LRRC37A3: variants seen among roughly 807,000 people sequenced by gnomAD.
LRRC37A3 encodes the protein leucine rich repeat containing 37 member A3.
LRRC37A3 carries 25 observed loss-of-function variants against 106.2 expected under a neutral mutation model. The observed-to-expected ratio is 0.24, with a 90% confidence interval of 0.17 to 0.33. The LOEUF is 0.33. Ranked by LOEUF, LRRC37A3 falls within the 10% of genes least tolerant of loss-of-function variation. The pLI, the probability that LRRC37A3 is intolerant of heterozygous loss-of-function variation, is 1.00. For missense variants in LRRC37A3, 712 were observed against 1,644.9 expected (o/e 0.43, Z 9.81); for synonymous variants, 305 against 635.8 (o/e 0.48, Z 7.83).
chr17:64,874,439 C>T (rs1186859609), intron 8 of LRRC37A3, among the ~76,000 whole-genome samples: 1 of 151,164 alleles, frequency 6.6e-6, no homozygotes, highest in African/African-American at 2.4e-5. Flanking sequence ...AGTGAGGAGC[C>T]CCTCCGCCCG....
At chr17:64,911,616 CCTTT>C (rs1467750548) in intron 2 of LRRC37A3, among the ~76,000 whole-genome samples, 18 of 152,216 alleles carry the variant, frequency 1.2e-4, no homozygotes, top group South Asian at 8.3e-4. Flanking sequence ...TTTTACAACT[CCTTT>C]CTATTTCCTA....
Position 64,856,380 on chromosome 17 carries a change from CTATT to C in LRRC37A3, c.4810-495_4810-492del, listed in dbSNP as rs1567760162. Among the ~76,000 whole-genome samples the C allele has an allele frequency of 2.7e-5, 4 of 149,426 alleles. No individual in the cohort carries two copies. The South Asian group carries it at 8.3e-4, about 31-fold the overall frequency. ...TACAGGTGCATACTACCACACCTGG[CTATT>C]TTTTTTTTAATTTTTAATAAAGACA... On this transcript the variant is annotated intron_variant, in intron 13 of 14. Transcript: ENST00000584306.
chr17:64,874,374 C>T (rs551829791), intron 8 of LRRC37A3, among the ~76,000 whole-genome samples: 2 of 150,396 alleles, frequency 1.3e-5, no homozygotes, highest in African/African-American at 2.4e-5. Context: ...CGCCCGGCAG[C>T]CGCCCCGTCT....
Position 64,860,213 on chromosome 17 carries a change from G to T in LRRC37A3, c.3933C>A (p.Arg1311=). The T allele has an allele frequency of 6.2e-7, 1 of 1,614,004 alleles. No individual in the cohort carries two copies. The highest frequency in any genetic ancestry group is 1.1e-5 in the South Asian group (1 of 91,078). Residue 1311 remains arginine, a synonymous_variant, in exon 12 of 15, where the codon CGC becomes CGA. Transcript: ENST00000584306. ...SRKKYRFHKT[R]SRMTHRTPKV... ...TGGGTGTTCTGTGGGTCATGCGGGA[G>T]CGAGTTTTGTGAAAGCGGTATTTTT...
chr17:64,867,842 G>A (rs1025669738), intron 10 of LRRC37A3, among the ~76,000 whole-genome samples: 6 of 152,016 alleles, frequency 3.9e-5, no homozygotes, highest in East Asian at 1.9e-4. Flanking sequence ...GGGAGGCTGA[G>A]GCAGGCGGAT....
chr17:64,887,575 C>T lies in LRRC37A3; in HGVS notation c.2754-689G>A, dbSNP rs1371708518. On this transcript the variant is annotated intron_variant, in intron 6 of 14. Coordinates refer to ENST00000584306, the MANE Select transcript of LRRC37A3 (RefSeq NM_199340.5). The stretch of plus-strand genomic sequence containing the variant: ...CTTAGTTTAGGTCTGTTTTCCTAAG[C>T]CACTTCAATATCAGAAGAAATAAAA... Among the ~76,000 whole-genome samples the T allele has an allele frequency of 6.0e-5, 3 of 49,782 alleles. 1 individual carries two copies. The highest frequency in any genetic ancestry group is 1.2e-4 in the Non-Finnish European group (3 of 25,842). The allele number at this position is 49,782 out of a possible 152,430, so 32.7% of individuals were successfully genotyped here.
At chr17:64,904,155 C>G (rs2143600536) in intron 2 of LRRC37A3, among the ~76,000 whole-genome samples, 2 of 151,484 alleles carry the variant, frequency 1.3e-5, no homozygotes, top group Admixed American at 1.3e-4. Context: ...AAAAAAAAGA[C>G]AATGTTTACA....
intron 13 of LRRC37A3, among the ~76,000 whole-genome samples, chr17:64,858,213 C>T (rs1972745454): frequency 6.6e-6 from 1 of 152,192 alleles, no homozygotes; most frequent in Non-Finnish European, 1.5e-5. Context: ...TTCCCCCTCA[C>T]CAGTGAACTT....
At chr17:64,870,703 T>C (rs1188627234) in intron 8 of LRRC37A3, among the ~76,000 whole-genome samples, 1 of 152,208 alleles carries the variant, frequency 6.6e-6, no homozygotes, top group East Asian at 1.9e-4. Context: ...ACTCATGTGT[T>C]TAATCTGTAT....
At chr17:64,875,448 A>G (rs960002975) in intron 8 of LRRC37A3, among the ~76,000 whole-genome samples, 3 of 152,256 alleles carry the variant, frequency 2.0e-5, no homozygotes, top group Non-Finnish European at 4.4e-5. Context: ...CTTTGTTGCT[A>G]GAAGACCTGC....
chr17:64,915,164 A>G (rs982801655), intron 2 of LRRC37A3, among the ~76,000 whole-genome samples: 51 of 152,230 alleles, frequency 3.4e-4, no homozygotes, highest in African/African-American at 1.2e-3. Context: ...AACATCTGAG[A>G]TGATGGATAC....
intron 2 of LRRC37A3, among the ~76,000 whole-genome samples, chr17:64,913,534 T>C (rs1226078409): frequency 2.0e-5 from 3 of 151,166 alleles, no homozygotes; most frequent in African/African-American, 7.3e-5. Flanking sequence ...GAGATGGGGT[T>C]TCGCCATGTT....
At chr17:64,877,953 G>A (rs984828454) in intron 8 of LRRC37A3, among the ~76,000 whole-genome samples, 1 of 151,938 alleles carries the variant, frequency 6.6e-6, no homozygotes, top group African/African-American at 2.4e-5. Flanking sequence ...GAACATCTAT[G>A]TGCAAAATAA....
Position 64,854,399 on chromosome 17 carries a change from T to C in LRRC37A3, c.*200A>G. On this transcript the variant is annotated 3_prime_UTR_variant, in exon 15 of 15. Coordinates refer to ENST00000584306, the MANE Select transcript of LRRC37A3 (RefSeq NM_199340.5). ...AAAACAATGTTATTTAATTGTAAAA[T>C]CTCCACCCCCTGAGCATATGTTTTC... The C allele has an allele frequency of 1.3e-6, 1 of 775,220 alleles. No individual in the cohort carries two copies. The allele number at this position is 775,220 out of a possible 1,614,324, so 48.0% of individuals were successfully genotyped here.
intron 8 of LRRC37A3, chr17:64,881,226 CTT>C: frequency 1.4e-6 from 1 of 697,256 alleles, no homozygotes; most frequent in Non-Finnish European, 2.6e-6. Context: ...AACAGTGAGC[CTT>C]TTTCTTTTCT....
At chr17:64,882,775 T>C (rs1429060110) in intron 8 of LRRC37A3, among the ~76,000 whole-genome samples, 12 of 152,132 alleles carry the variant, frequency 7.9e-5, no homozygotes, top group African/African-American at 2.9e-4. Context: ...GGATAAAGCC[T>C]GGATTTTCCT....
At position 64,862,901 on chromosome 17, in the gene LRRC37A3, A is replaced by C; in HGVS notation, c.3171T>G (p.Cys1057Trp). Residue 1057 changes from cysteine (C) to tryptophan (W), a missense_variant and splice_region_variant, in exon 11 of 15, where the codon TGT becomes TGG. Physicochemically the swap from Cys to Trp is radical, Grantham distance 215. Coordinates refer to ENST00000584306, the MANE Select transcript of LRRC37A3 (RefSeq NM_199340.5). Reference protein sequence around the residue: ...NSACLTNTTHCPEEASVGNPE... With the variant: ...NSACLTNTTHWPEEASVGNPE... Reference sequence around the variant, plus strand: ...TATCACCATGCAATTTGGACTCACGACAATGTGTGGTGTTTGTCAGACATG... The same window carrying C: ...TATCACCATGCAATTTGGACTCACGCCAATGTGTGGTGTTTGTCAGACATG... 1 of 1,599,248 alleles carries C rather than the reference A, an allele frequency of 6.3e-7. No homozygotes were observed. The highest frequency in any genetic ancestry group is 8.5e-7 in the Non-Finnish European group (1 of 1,179,786).
Position 64,854,725 on chromosome 17 carries a change from G to A in LRRC37A3, c.4860-81C>T, listed in dbSNP as rs878906242. On this transcript the variant is annotated intron_variant, in intron 14 of 14. Coordinates refer to ENST00000584306, the MANE Select transcript of LRRC37A3 (RefSeq NM_199340.5). Reference sequence around the variant, plus strand: ...TCTCACCCCCTCCTCATTTTAGATGGGAACTGTGAGGGCCCCGTCATTTAC... The same window carrying A: ...TCTCACCCCCTCCTCATTTTAGATGAGAACTGTGAGGGCCCCGTCATTTAC... 5 of 1,612,048 alleles carry A rather than the reference G, an allele frequency of 3.1e-6. No homozygotes were observed. The South Asian group carries it at 3.3e-5, about 11-fold the overall frequency.
At chr17:64,856,555 CTGTT>C (rs1298053277) in intron 13 of LRRC37A3, among the ~76,000 whole-genome samples, 11 of 151,448 alleles carry the variant, frequency 7.3e-5, no homozygotes, top group Non-Finnish European at 1.6e-4. Flanking sequence ...ATTGTACTTT[CTGTT>C]TGTATTTTTA....
Sources: allele counts gnomAD v4.1 joint callset (sites outside exome capture counted in the v4.1 genomes callset), GRCh38; gene constraint gnomAD v4.1.1; transcripts MANE v1.5; gene names NCBI Gene and HGNC (gene_info 2026-07-23, HGNC 2026-07-21).